The following LIMCH1 variants were observed in gnomAD, a reference collection of about 807,000 sequenced individuals.
LIMCH1 encodes LIM and calponin homology domains 1.
A neutral mutation model predicts 176.5 loss-of-function variants in LIMCH1; 113 were observed. The observed-to-expected ratio is 0.64, with a 90% CI of 0.55 to 0.75. LIMCH1 has a LOEUF of 0.75. LIMCH1 is among the 30% of genes least tolerant of loss of function. LIMCH1 has a pLI of 0.00. For missense variants in LIMCH1, 1,674 were observed against 1,814.9 expected, an observed-to-expected ratio of 0.92 and a Z score of 1.41; for synonymous variants, 619 against 645.9, an observed-to-expected ratio of 0.96 and a Z score of 0.63.
intron 1 of LIMCH1, among the ~76,000 whole-genome samples, chr4:41,548,250 G>T (rs933153057): frequency 1.3e-5 from 2 of 152,020 alleles, no homozygotes; most frequent in African/African-American, 4.8e-5. Flanking sequence ...AAGTCAGTTT[G>T]AGCCAGTGAT....
chr4:41,360,789 ACGGCGG>A lies in LIMCH1; in HGVS notation c.-47_-42del. 7.1e-7 allele frequency: 1 copy of A among 1,398,866 alleles called. No homozygotes were observed. Among genetic ancestry groups the A allele is most frequent in the Middle Eastern group, 2.5e-4 (1 of 4,026 alleles). 86.7% of individuals were successfully genotyped at this position (1,398,866 alleles called of 1,614,324 possible). A position where few individuals can be genotyped will look rare whatever the true frequency, so the allele number is the denominator to read the frequency against. Reference sequence around the variant, plus strand: ...CGGGGAGCGCGCTCCTGCGGCGGCGACGGCGGCGGCCGTCCTCATCCCGGCGCTTGA... The same window carrying A: ...CGGGGAGCGCGCTCCTGCGGCGGCGACGGCCGTCCTCATCCCGGCGCTTGA... On this transcript the variant is annotated 5_prime_UTR_variant, in exon 1 of 27. Transcript: ENST00000313860. This position sits in a 1 kb window ranked among gnomAD's most constrained non-coding sequence, Gnocchi z 4.5.
intron 8 of LIMCH1, among the ~76,000 whole-genome samples, chr4:41,627,408 C>T (rs1304013120): frequency 1.3e-5 from 2 of 152,154 alleles, no homozygotes; most frequent in South Asian, 4.1e-4. Context: ...CTGCTCTAGT[C>T]CATTCAAAGG....
In LIMCH1 at chr4:41,363,231, C is replaced by T. The variant is rs887935029; in HGVS notation, c.96+2295C>T. ...TGCAGTTGCCTTGTGAACAAAGATT[C>T]CTCAGCTAATACAGCAATAATGTAG... is the stretch of plus-strand genomic sequence containing the variant. On this transcript the variant is annotated intron_variant, in intron 1 of 26. Transcript: ENST00000313860. Among the ~76,000 whole-genome samples, 9 of 152,158 alleles carry T rather than the reference C, an allele frequency of 5.9e-5. No individual in the cohort carries two copies. In the South Asian group the frequency reaches 1.5e-3, roughly 25 times the overall value.
intron 22 of LIMCH1, among the ~76,000 whole-genome samples, chr4:41,675,266 A>T (rs1014960967): frequency 6.6e-6 from 1 of 151,942 alleles, no homozygotes; most frequent in African/African-American, 2.4e-5. Flanking sequence ...CCTGAATGGT[A>T]ATGTGGATCT....
In LIMCH1 at chr4:41,642,737, C is replaced by CTTTTT. The variant is rs368906535; in HGVS notation, c.2127-1754_2127-1750dup. On this transcript the variant is annotated intron_variant, in intron 14 of 31. Transcript: ENST00000503057. The stretch of plus-strand genomic sequence containing the variant: ...GCATGCCTAATTTTTTTTCTTTTTT[C>CTTTTT]TTTTTTTTTTTTTGTATTTTTAGTA... Among the ~76,000 whole-genome samples the CTTTTT allele has an allele frequency of 2.9e-3, 397 of 136,386 alleles. 5 individuals carry two copies. The highest frequency in any genetic ancestry group is 5.7e-3 in the African/African-American group (207 of 36,472). 89.5% of individuals were successfully genotyped at this position (136,386 alleles called of 152,430 possible).
At chr4:41,611,103 T>C in intron 4 of LIMCH1, among the ~76,000 whole-genome samples, 1 of 152,204 alleles carries the variant, frequency 6.6e-6, no homozygotes. Flanking sequence ...TCCCAAGCAT[T>C]TGGATAATGG....
intron 18 of LIMCH1, among the ~76,000 whole-genome samples, chr4:41,655,469 A>G (rs892097889): frequency 2.0e-5 from 3 of 152,214 alleles, no homozygotes; most frequent in Non-Finnish European, 4.4e-5. Context: ...GGCAATCAGT[A>G]TGAAGTTTTT....
chr4:41,500,104 T>C (rs2072991086), intron 2 of LIMCH1, among the ~76,000 whole-genome samples: 1 of 152,250 alleles, frequency 6.6e-6, no homozygotes, highest in African/African-American at 2.4e-5. Flanking sequence ...TTGCTGGTAA[T>C]GTTATGAGTG....
chr4:41,372,923 C>G (rs991561608), intron 1 of LIMCH1, among the ~76,000 whole-genome samples: 13 of 152,098 alleles, frequency 8.5e-5, no homozygotes, highest in African/African-American at 3.1e-4. Flanking sequence ...CTCTGGAGCC[C>G]TTTCTACACC....
intron 20 of LIMCH1, 149 bp downstream of exon 20, chr4:41,663,133 T>TTG (rs2094687863): frequency 3.5e-6 from 2 of 571,556 alleles, no homozygotes; most frequent in South Asian, 2.1e-5. Context: ...TTTTTCTTTT[T>TTG]CGTGTGTGTG....
At chr4:41,488,750 A>G (rs2070187504) in intron 1 of LIMCH1, among the ~76,000 whole-genome samples, 1 of 152,176 alleles carries the variant, frequency 6.6e-6, no homozygotes, top group Admixed American at 6.5e-5. Flanking sequence ...ATATGATTCC[A>G]TTGTGAAGAA....
At chr4:41,385,701 C>G (rs1016002498) in intron 1 of LIMCH1, 2 of 152,182 alleles carry the variant, frequency 1.3e-5, no homozygotes, top group Non-Finnish European at 2.9e-5. Context: ...GATTGTGTCT[C>G]TGGCTTCCAG....
At chr4:41,613,809 G>T (rs1396606713) in intron 5 of LIMCH1, 148 bp downstream of exon 5, 7 of 706,302 alleles carry the variant, frequency 9.9e-6, no homozygotes, top group African/African-American at 3.6e-5. Flanking sequence ...GCAGAAAAAA[G>T]AAGTCTTTGA....
At chr4:41,653,657 T>C (rs1179834058) in intron 18 of LIMCH1, among the ~76,000 whole-genome samples, 1 of 152,164 alleles carries the variant, frequency 6.6e-6, no homozygotes, top group African/African-American at 2.4e-5. Flanking sequence ...GGCAGGAGCA[T>C]GAATTCAGGA....
At chr4:41,618,210 C>T (rs2092290082) in intron 5 of LIMCH1, among the ~76,000 whole-genome samples, 1 of 152,110 alleles carries the variant, frequency 6.6e-6, no homozygotes, top group Admixed American at 6.5e-5. Flanking sequence ...TGTTTTCAAC[C>T]AGCATTGAAG....
Position 41,699,722 on chromosome 4 carries a change from A to C in LIMCH1, c.*2537A>C, listed in dbSNP as rs1372138070. Reference sequence around the variant, plus strand: ...CTAGTCCCTACTCTTTAATAAAAATAATGGGTAACTTTTTGTTTTTCACTA... The same window carrying C: ...CTAGTCCCTACTCTTTAATAAAAATCATGGGTAACTTTTTGTTTTTCACTA... On this transcript the variant is annotated 3_prime_UTR_variant, in exon 32 of 32. Transcript: ENST00000503057. 3.3e-5 allele frequency: 5 copies of C among 152,192 alleles called. No homozygotes were observed. The highest frequency in any genetic ancestry group is 1.3e-4 in the Admixed American group (2 of 15,278). The allele number at this position is 152,192 out of a possible 1,614,324, so 9.4% of individuals were successfully genotyped here. A position where few individuals can be genotyped will look rare whatever the true frequency, so the allele number is the denominator to read the frequency against.
chr4:41,460,514 CAAA>C (rs1249276176), intron 1 of LIMCH1, among the ~76,000 whole-genome samples: 1 of 140,602 alleles, frequency 7.1e-6, no homozygotes, highest in African/African-American at 2.8e-5. Flanking sequence ...TAAATATACA[CAAA>C]AAGATTTTTT....
intron 1 of LIMCH1, among the ~76,000 whole-genome samples, chr4:41,552,607 A>G (rs2080621377): frequency 6.6e-6 from 1 of 152,202 alleles, no homozygotes; most frequent in Non-Finnish European, 1.5e-5. Flanking sequence ...AAACATGGAT[A>G]TTTAAAAATT....
chr4:41,653,092 A>G (rs2094355774), intron 18 of LIMCH1, among the ~76,000 whole-genome samples: 2 of 152,152 alleles, frequency 1.3e-5, no homozygotes, highest in Non-Finnish European at 2.9e-5. Context: ...AAATCTCTGT[A>G]TATATCTGTC....
Sources: gnomAD v4.1 joint callset for allele counts (sites outside exome capture counted in the v4.1 genomes callset) on GRCh38, gnomAD v4.1.1 for gene constraint, Gnocchi (gnomAD v3.1) non-coding constraint, MANE v1.5 for transcripts, NCBI Gene and HGNC (gene_info 2026-07-23, HGNC 2026-07-21) for gene names.